MICU1: variants seen among roughly 807,000 people sequenced by gnomAD.
The protein encoded by MICU1 is mitochondrial calcium uptake 1, also known as calcium uptake protein 1, mitochondrial.
In MICU1, 45 loss-of-function variants were observed where a neutral mutation model predicts 56.8. The ratio of observed to expected loss-of-function variants is 0.79; its 90% CI spans 0.62 to 1.02. The LOEUF (loss-of-function observed/expected upper bound fraction) is 1.02. MICU1 is among the 50% of genes least tolerant of loss of function. The probability of loss-of-function intolerance (pLI) is 0.00; values close to 1 mark genes in which losing one functional copy is unlikely to be tolerated. For synonymous variants in MICU1, 186 were observed against 195.1 expected (o/e 0.95, Z 0.39); for missense variants, 504 against 587.1 (o/e 0.86, Z 1.46).
intron 8 of MICU1, among the ~76,000 whole-genome samples, chr10:72,452,247 G>A (rs577139533): frequency 6.6e-6 from 1 of 152,274 alleles, no homozygotes; most frequent in South Asian, 2.1e-4. Context: ...GAAGCTGGGA[G>A]GCAATAACAA....
At chr10:72,476,239 A>AT (rs1338543825) in intron 7 of MICU1, among the ~76,000 whole-genome samples, 5 of 151,216 alleles carry the variant, frequency 3.3e-5, no homozygotes, top group African/African-American at 1.2e-4. Flanking sequence ...AAAAAAAAAA[A>AT]AAAAAAAAGA....
intron 10 of MICU1, among the ~76,000 whole-genome samples, chr10:72,400,744 C>T (rs1863424128): frequency 1.3e-5 from 2 of 151,964 alleles, no homozygotes; most frequent in African/African-American, 4.8e-5. Context: ...AAAACTCCAT[C>T]TAAAAAATAA....
intron 11 of MICU1, among the ~76,000 whole-genome samples, chr10:72,371,873 T>C (rs1321584253): frequency 6.6e-6 from 1 of 151,818 alleles, no homozygotes; most frequent in Admixed American, 6.6e-5. Context: ...ATGAGCAATA[T>C]AGTGAGACCC....
intron 4 of MICU1, among the ~76,000 whole-genome samples, chr10:72,549,462 A>C (rs1839978963): frequency 6.6e-6 from 1 of 152,014 alleles, no homozygotes; most frequent in Non-Finnish European, 1.5e-5. Context: ...AAGTGTTGGG[A>C]TTAGAGGCAT....
At chr10:72,390,739 CTGGCCTCACTCTTTCCCAACCACTGG>C (rs539671948) in intron 10 of MICU1, among the ~76,000 whole-genome samples, 1,878 of 152,236 alleles carry the variant, frequency 0.012, 22 homozygotes, top group Non-Finnish European at 0.019. Context: ...TGTCTCTACT[CTGGCCTCACTCTTTCCCAACCACTGG>C]TATAAATTAG....
At chr10:72,495,663 A>G (rs1372708947) in intron 6 of MICU1, among the ~76,000 whole-genome samples, 1 of 151,138 alleles carries the variant, frequency 6.6e-6, no homozygotes, top group African/African-American at 2.4e-5. Flanking sequence ...CTCAAAAAAA[A>G]AAAAAAAAAA....
intron 9 of MICU1, among the ~76,000 whole-genome samples, chr10:72,413,327 A>C (rs1344938356): frequency 6.6e-6 from 1 of 152,218 alleles, no homozygotes; most frequent in Non-Finnish European, 1.5e-5. Context: ...AGGAAAAAAA[A>C]CTGATTGGTT....
Position 72,477,267 on chromosome 10 carries a change from G to A in MICU1, c.653-11C>T, listed in dbSNP as rs913884346. 5.3e-6 allele frequency: 8 copies of A among 1,523,666 alleles called. No individual in the cohort carries two copies. Among genetic ancestry groups the A allele is most frequent in the Admixed American group, 2.3e-5 (1 of 43,772 alleles). The allele number at this position is 1,523,666 out of a possible 1,614,324, so 94.4% of individuals were successfully genotyped here. A position where few individuals can be genotyped will look rare whatever the true frequency, so the allele number is the denominator to read the frequency against. Reference sequence around the variant, plus strand: ...AATTTCTCTGAGGAGCTGCAGAGGAGAGAAAAAAAATATTTAGAAGGCATT... The same window carrying A: ...AATTTCTCTGAGGAGCTGCAGAGGAAAGAAAAAAAATATTTAGAAGGCATT... On this transcript the variant is annotated splice_polypyrimidine_tract_variant and intron_variant, in intron 6 of 11. Transcript: ENST00000361114.
chr10:72,469,983 T>C (rs1865901412), intron 8 of MICU1, among the ~76,000 whole-genome samples: 1 of 152,132 alleles, frequency 6.6e-6, no homozygotes, highest in Non-Finnish European at 1.5e-5. Context: ...TGCAATCACC[T>C]CTTTAAAGAC....
intron 1 of MICU1, among the ~76,000 whole-genome samples, chr10:72,591,657 CT>C (rs1841228283): frequency 6.6e-6 from 1 of 152,126 alleles, no homozygotes; most frequent in Non-Finnish European, 1.5e-5. Context: ...AACACAGAAA[CT>C]ACCATGATTA....
chr10:72,378,412 A>C (rs1862596190), intron 10 of MICU1, among the ~76,000 whole-genome samples: 1 of 152,066 alleles, frequency 6.6e-6, no homozygotes, highest in South Asian at 2.1e-4. Context: ...AGATCTGGTT[A>C]AGTGTGTGGC....
intron 1 of MICU1, among the ~76,000 whole-genome samples, chr10:72,585,437 G>A (rs893416353): frequency 7.9e-5 from 12 of 152,242 alleles, no homozygotes; most frequent in Admixed American, 7.8e-4. Flanking sequence ...GCTCACGCCT[G>A]TAATCCCAGC....
chr10:72,524,058 G>A (rs971329948), intron 5 of MICU1: 25 of 1,073,776 alleles, frequency 2.3e-5, no homozygotes, highest in African/African-American at 2.0e-4. Context: ...TTTTTAACTT[G>A]AAGTTACTGT....
intron 8 of MICU1, among the ~76,000 whole-genome samples, chr10:72,447,820 A>T (rs181721552): frequency 6.6e-6 from 1 of 152,318 alleles, no homozygotes; most frequent in East Asian, 1.9e-4. Context: ...TAGAACGATA[A>T]AACAGTTAAG....
At chr10:72,540,695 A>G (rs1391931123) in intron 4 of MICU1, among the ~76,000 whole-genome samples, 1 of 152,118 alleles carries the variant, frequency 6.6e-6, no homozygotes, top group Non-Finnish European at 1.5e-5. Context: ...AAAACAAAAA[A>G]CTGGCATGGT....
chr10:72,418,972 T>C (rs571758944), intron 9 of MICU1, among the ~76,000 whole-genome samples: 2 of 152,276 alleles, frequency 1.3e-5, no homozygotes, highest in Admixed American at 1.3e-4. Flanking sequence ...ACACCGCAGA[T>C]TTTCATCATC....
chr10:72,445,575 C>A (rs543035900), intron 8 of MICU1, among the ~76,000 whole-genome samples: 1 of 152,248 alleles, frequency 6.6e-6, no homozygotes, highest in East Asian at 1.9e-4. Context: ...TTTTGCAGCA[C>A]GACATATTCC....
chr10:72,377,705 GAA>G (rs1862570879), intron 10 of MICU1, among the ~76,000 whole-genome samples: 2 of 152,174 alleles, frequency 1.3e-5, no homozygotes, highest in Non-Finnish European at 2.9e-5. Flanking sequence ...ATGAGGGAAA[GAA>G]AAGGATTAAT....
At chr10:72,395,293 T>C (rs993869110) in intron 10 of MICU1, among the ~76,000 whole-genome samples, 3 of 152,058 alleles carry the variant, frequency 2.0e-5, no homozygotes, top group Non-Finnish European at 4.4e-5. Flanking sequence ...TACTAAAAAA[T>C]ACAAAAATTG....
Sources: allele counts gnomAD v4.1 joint callset (sites outside exome capture counted in the v4.1 genomes callset), GRCh38; gene constraint gnomAD v4.1.1; transcripts MANE v1.5; gene names NCBI Gene and HGNC (gene_info 2026-07-23, HGNC 2026-07-21).